WDR88: variants seen among roughly 807,000 people sequenced by gnomAD.
WDR88 encodes WD repeat domain 88.
Under a neutral mutation model 46.8 loss-of-function variants are expected in WDR88, and 40 were observed. That is an observed-to-expected ratio of 0.86 (90% CI 0.66 to 1.11). The LOEUF is 1.11. Ranked by LOEUF, WDR88 falls within the 50% of genes most tolerant of loss-of-function variation. WDR88 has a pLI of 0.00. For missense variants in WDR88, 562 were observed against 602.4 expected, an observed-to-expected ratio of 0.93 and a Z score of 0.70; for synonymous variants, 235 against 240.7, an observed-to-expected ratio of 0.98 and a Z score of 0.22.
rs781080516 is a variant in WDR88 at position 33,132,179 on chromosome 19, C to T, written c.10C>T (p.Pro4Ser). The T allele has an allele frequency of 1.6e-5, 26 of 1,594,272 alleles. No homozygotes were observed. Among genetic ancestry groups the T allele is most frequent in the Non-Finnish European group, 2.1e-5 (25 of 1,173,268 alleles). ...CGGACCGGGCTTCGAGATGGCCTCC[C>T]CGCCGCGGTGCTCCCCGACAGCCCA... Reference protein sequence around the residue: MASPPRCSPTAHDR... With the variant: MASSPRCSPTAHDR... The change falls in exon 1 of 11, where the codon CCG (proline) becomes TCG (serine). Residue 4 changes from proline (P) to serine (S), a missense_variant. Transcript: ENST00000355868.
At chr19:33,139,916 G>A (rs751407882) in intron 2 of WDR88, among the ~76,000 whole-genome samples, 1 of 152,160 alleles carries the variant, frequency 6.6e-6, no homozygotes, top group Non-Finnish European at 1.5e-5. Context: ...CTTACCAGCT[G>A]TGTGACCCTG....
At chr19:33,137,555 A>T (rs1973297101) in intron 1 of WDR88, 122 bp from the exon 2 acceptor site, 3 of 905,070 alleles carry the variant, frequency 3.3e-6, no homozygotes, top group Non-Finnish European at 4.9e-6. Context: ...CCTGGCCAGA[A>T]TTTTTTAAAT....
At chr19:33,159,951 A>G (rs1385492791) in intron 7 of WDR88, among the ~76,000 whole-genome samples, 6 of 151,904 alleles carry the variant, frequency 3.9e-5, no homozygotes, top group African/African-American at 1.5e-4. Flanking sequence ...GTGACAGATC[A>G]TCAGGCATTA....
At position 33,156,397 on chromosome 19, in the gene WDR88, T is replaced by A. The variant is rs1472639742; in HGVS notation, c.852T>A (p.Ser284Arg). ...TCTCAAACTGCTGTTTTACCTTCAGTGGCCATTTCCTGTGTACAAGCTCCT... is the reference window on the plus strand; with the variant it reads ...TCTCAAACTGCTGTTTTACCTTCAGAGGCCATTTCCTGTGTACAAGCTCCT... ...NAISNCCFTF[S>R]GHFLCTSSWD... is the part of the protein sequence containing the mutation. The change falls in exon 7 of 11, where the codon AGT (serine) becomes AGA (arginine). Residue 284 changes from serine (S) to arginine (R), a missense_variant. By Grantham distance (110) the Ser-to-Arg change is moderately radical. Coordinates refer to ENST00000355868, the MANE Select transcript of WDR88 (RefSeq NM_173479.4). The A allele has an allele frequency of 1.2e-6, 2 of 1,614,188 alleles. No individual in the cohort carries two copies. The highest frequency in any genetic ancestry group is 2.2e-5 in the South Asian group (2 of 91,088).
At chr19:33,160,811 G>T (rs367862841) in intron 8 of WDR88, among the ~76,000 whole-genome samples, 2 of 152,122 alleles carry the variant, frequency 1.3e-5, no homozygotes, top group African/African-American at 4.8e-5. Flanking sequence ...GAAGAAGAAG[G>T]GCAGTCCAGG....
At chr19:33,149,359 A>AC (rs1973585910) in intron 5 of WDR88, among the ~76,000 whole-genome samples, 1 of 151,984 alleles carries the variant, frequency 6.6e-6, no homozygotes, top group Admixed American at 6.6e-5. Context: ...AAACAAACAA[A>AC]CAAAAAAACA....
At chr19:33,136,017 G>A (rs1246384883) in intron 1 of WDR88, among the ~76,000 whole-genome samples, 4 of 151,290 alleles carry the variant, frequency 2.6e-5, no homozygotes, top group Admixed American at 2.0e-4. Flanking sequence ...AGCCTCCCAA[G>A]TAGCTGGGAT....
intron 1 of WDR88, among the ~76,000 whole-genome samples, chr19:33,135,747 T>C (rs997672903): frequency 2.6e-5 from 4 of 152,222 alleles, no homozygotes; most frequent in Non-Finnish European, 5.9e-5. Context: ...GTGGCTGCAC[T>C]ACTTTACGTT....
At position 33,156,433 on chromosome 19, in the gene WDR88, C is replaced by T. The variant is rs1437185472; in HGVS notation, c.888C>T (p.Asn296=). The change falls in exon 7 of 11, where the codon AAC becomes AAT. Residue 296 remains asparagine, a synonymous_variant. Transcript: ENST00000355868. ...HFLCTSSWDK[N]LKIWNVHTGE... The stretch of plus-strand genomic sequence containing the variant: ...TGTGTACAAGCTCCTGGGATAAAAA[C>T]TTAAAAATATGGAACGTCCACACAG... The T allele has an allele frequency of 1.9e-6, 3 of 1,614,164 alleles. No individual in the cohort carries two copies. The highest frequency in any genetic ancestry group is 2.5e-6 in the Non-Finnish European group (3 of 1,180,040).
chr19:33,156,321 C>T lies in WDR88; in HGVS notation c.810-34C>T, dbSNP rs118046369. On this transcript the variant is annotated intron_variant, in intron 6 of 10. Coordinates refer to ENST00000355868, the MANE Select transcript of WDR88 (RefSeq NM_173479.4). ...GTCTTCAGGTCCTCCAGGAGCAAAG[C>T]GCTAATGTGTGCACCCCACCATCTG... is the stretch of plus-strand genomic sequence containing the variant. 5.0e-5 allele frequency: 81 copies of T among 1,604,812 alleles called. No homozygotes were observed. The East Asian group carries it at 1.5e-3, about 29-fold the overall frequency.
At chr19:33,144,597 C>G (rs202119455) in intron 2 of WDR88, among the ~76,000 whole-genome samples, 4 of 152,190 alleles carry the variant, frequency 2.6e-5, no homozygotes, top group Non-Finnish European at 5.9e-5. Flanking sequence ...CAGTTTCCAC[C>G]TGGTGTCTGG....
rs74818566 is a variant in WDR88 at position 33,139,958 on chromosome 19, G to A, written c.387+2171G>A. ...TGCATGACCTCCTGGGCCTCCCTGG[G>A]TCTGCCCATGCTGCACAGGACCAGT... On this transcript the variant is annotated intron_variant, in intron 2 of 10. Coordinates refer to ENST00000355868, the MANE Select transcript of WDR88 (RefSeq NM_173479.4). Among the ~76,000 whole-genome samples the A allele has an allele frequency of 9.9e-3, 1,501 of 152,230 alleles. 28 individuals carry two copies. Among genetic ancestry groups the A allele is most frequent in the African/African-American group, 0.035 (1,440 of 41,520 alleles).
chr19:33,164,141 T>G, intron 8 of WDR88, 56 bp from the exon 9 acceptor site: 2 of 1,554,236 alleles, frequency 1.3e-6, no homozygotes, highest in Non-Finnish European at 1.8e-6. Flanking sequence ...CTTGTTTTTG[T>G]TGTTCTTTCA....
chr19:33,168,358 C>G (rs1044504225), intron 9 of WDR88, among the ~76,000 whole-genome samples: 10 of 151,948 alleles, frequency 6.6e-5, no homozygotes, highest in Non-Finnish European at 1.3e-4. Context: ...GTGGCATGAT[C>G]GTAAATATAG....
intron 8 of WDR88, 28 bp downstream of exon 8, chr19:33,160,524 A>T (rs1391955486): frequency 6.2e-7 from 1 of 1,612,214 alleles, no homozygotes; most frequent in South Asian, 1.1e-5. Context: ...GAGATTGAGG[A>T]TCTGAACTTC....
chr19:33,160,105 A>G (rs1459951314), intron 7 of WDR88, among the ~76,000 whole-genome samples: 1 of 152,128 alleles, frequency 6.6e-6, no homozygotes, highest in Non-Finnish European at 1.5e-5. Flanking sequence ...AGTGGCTGTA[A>G]ATACAGATGA....
intron 10 of WDR88, among the ~76,000 whole-genome samples, chr19:33,173,300 C>T (rs551421923): frequency 2.6e-5 from 4 of 152,110 alleles, no homozygotes; most frequent in Admixed American, 2.0e-4. Flanking sequence ...AGCCTCCTAC[C>T]CTGGGCAGGT....
chr19:33,174,202 G>A, intron 10 of WDR88: 1 of 1,536,498 alleles, frequency 6.5e-7, no homozygotes, highest in Admixed American at 2.0e-5. Flanking sequence ...AGGCCTACCT[G>A]AAGCTGAAGC....
intron 9 of WDR88, among the ~76,000 whole-genome samples, chr19:33,166,976 A>C (rs1973963718): frequency 6.6e-6 from 1 of 152,210 alleles, no homozygotes; most frequent in Admixed American, 6.5e-5. Flanking sequence ...TATAGAGGTA[A>C]GACTGTTTAA....
Sources: allele counts gnomAD v4.1 joint callset (sites outside exome capture counted in the v4.1 genomes callset), GRCh38; gene constraint gnomAD v4.1.1; transcripts MANE v1.5; gene names NCBI Gene and HGNC (gene_info 2026-07-23, HGNC 2026-07-21).